Variants in COX11 observed in about 807,000 individuals in gnomAD.
The protein encoded by COX11 is cytochrome c oxidase copper chaperone COX11.
In COX11, 18 loss-of-function variants were observed where a neutral mutation model predicts 29.4. The observed-to-expected ratio is 0.61, with a 90% CI of 0.42 to 0.91. COX11 has a LOEUF of 0.91. COX11 is among the 40% of genes least tolerant of loss of function. The pLI, the probability that COX11 is intolerant of heterozygous loss-of-function variation, is 0.00. For missense variants in COX11, 312 were observed against 346.0 expected, an observed-to-expected ratio of 0.90 and a Z score of 0.78; for synonymous variants, 131 against 124.0, an observed-to-expected ratio of 1.06 and a Z score of -0.38.
At chr17:54,966,519 G>A (rs1389568444) in intron 1 of COX11, among the ~76,000 whole-genome samples, 1 of 152,098 alleles carries the variant, frequency 6.6e-6, no homozygotes, top group Non-Finnish European at 1.5e-5. Flanking sequence ...TGCTTTGTTG[G>A]TTATTTAGTA....
chr17:54,960,457 C>T lies in COX11; in HGVS notation c.*2276G>A. 1.3e-6 allele frequency: 1 copy of T among 779,000 alleles called. No homozygotes were observed. Among genetic ancestry groups the T allele is most frequent in the Non-Finnish European group, 2.3e-6 (1 of 435,618 alleles). The allele number at this position is 779,000 out of a possible 1,614,324, so 48.3% of individuals were successfully genotyped here. On this transcript the variant is annotated 3_prime_UTR_variant, in exon 4 of 4. Transcript: ENST00000299335. ...AGACTTATTTTTACTCATATGTAGCCTGAACTCCAAAACCAGCTCAATTTT... is the reference window on the plus strand; with the variant it reads ...AGACTTATTTTTACTCATATGTAGCTTGAACTCCAAAACCAGCTCAATTTT...
Position 54,968,469 on chromosome 17 carries a change from T to A in COX11, c.178A>T (p.Ser60Cys). The change falls in exon 1 of 4, where the codon AGC (serine) becomes TGC (cysteine). Residue 60 changes from serine (S) to cysteine (C), a missense_variant. This residue lies in a region of COX11 where 130 missense variants were observed against 106.0 expected (regional missense o/e 1.23). Coordinates refer to ENST00000299335, the MANE Select transcript of COX11 (RefSeq NM_004375.5). ...LRWLGTWKRC[S>C]LRARHPALQP... Reference sequence around the variant, plus strand: ...AATGCTGGATGCCGGGCTCGAAGGCTGCAGCGCTTCCATGTCCCAAGCCAC... The same window carrying A: ...AATGCTGGATGCCGGGCTCGAAGGCAGCAGCGCTTCCATGTCCCAAGCCAC... The A allele has an allele frequency of 6.2e-7, 1 of 1,613,420 alleles. No individual in the cohort carries two copies. Among genetic ancestry groups the A allele is most frequent in the Non-Finnish European group, 8.5e-7 (1 of 1,179,992 alleles).
At chr17:54,967,143 C>T (rs1279710615) in intron 1 of COX11, among the ~76,000 whole-genome samples, 1 of 152,150 alleles carries the variant, frequency 6.6e-6, no homozygotes, top group Non-Finnish European at 1.5e-5. Flanking sequence ...CTTTCCTGCA[C>T]GCTGGAATCA....
rs1436060627 is a variant in COX11 at position 54,962,373 on chromosome 17, T to G, written c.*360A>C. 1.0e-6 allele frequency: 1 copy of G among 993,684 alleles called. No homozygotes were observed. Among genetic ancestry groups the G allele is most frequent in the Non-Finnish European group, 1.2e-6 (1 of 836,064 alleles). 61.6% of individuals were successfully genotyped at this position (993,684 alleles called of 1,614,324 possible). On this transcript the variant is annotated 3_prime_UTR_variant, in exon 4 of 4. Coordinates refer to ENST00000299335, the MANE Select transcript of COX11 (RefSeq NM_004375.5). ...ACAAATAACCCTGAGCATACATTTT[T>G]GAAAAACATTGTCAGATTCATTGCT...
chr17:54,964,939 T>G, intron 1 of COX11, 87 bp from the exon 2 acceptor site: 2 of 1,340,450 alleles, frequency 1.5e-6, no homozygotes, highest in South Asian at 1.3e-5. Flanking sequence ...CAATGTAGTA[T>G]TTATAATCCA....
chr17:54,967,036 G>GCGCGCGCGCACACACA (rs1555616938), intron 1 of COX11, among the ~76,000 whole-genome samples: 1 of 46,810 alleles, frequency 2.1e-5, no homozygotes, highest in Non-Finnish European at 5.3e-5. Flanking sequence ...AAACGTGCGC[G>GCGCGCGCGCACACACA]CGCGCGCACA....
Position 54,964,804 on chromosome 17 carries a change from T to C in COX11, c.415A>G (p.Ile139Val), listed in dbSNP as rs370191530. The C allele has an allele frequency of 1.2e-6, 2 of 1,613,484 alleles. No homozygotes were observed. The highest frequency in any genetic ancestry group is 2.2e-5 in the East Asian group (1 of 44,878). The change falls in exon 2 of 4, where the codon ATT becomes GTT. Residue 139 changes from isoleucine (I) to valine (V), a missense_variant. Coordinates refer to ENST00000299335, the MANE Select transcript of COX11 (RefSeq NM_004375.5). ...SAVAGHASDKIENMVPVKDRI... is the reference protein window; with the variant it reads ...SAVAGHASDKVENMVPVKDRI... ...TCTTTAACAGGCACCATGTTTTCAA[T>C]CTTGTCTGAGGCATGACCTGCAACT...
At chr17:54,952,860 A>AT (rs1301901228) in exon 1 of COX11, 2 of 152,224 alleles carry the variant, frequency 1.3e-5, no homozygotes, top group African/African-American at 4.8e-5. Flanking sequence ...ATTTAGAGAA[A>AT]TTGTGGCTCC....
At chr17:54,956,208 G>C (rs760722967), downstream of COX11, among the ~76,000 whole-genome samples, 1 of 152,170 alleles carries the variant, frequency 6.6e-6, no homozygotes, top group African/African-American at 2.4e-5. Context: ...AAAGTGGCAT[G>C]ATCACGGCTT....
At chr17:54,967,944 G>A (rs1032121086) in intron 1 of COX11, among the ~76,000 whole-genome samples, 2 of 150,954 alleles carry the variant, frequency 1.3e-5, no homozygotes, top group Non-Finnish European at 2.9e-5. Flanking sequence ...AAAAGCGTGT[G>A]TGCGCAGGAG....
chr17:54,957,599 G>A (rs147297237), downstream of COX11: 2 of 152,258 alleles, frequency 1.3e-5, no homozygotes, highest in African/African-American at 2.4e-5. Context: ...CTTTCTGGGG[G>A]TCAGAATGTC....
intron 1 of COX11, among the ~76,000 whole-genome samples, 163 bp from the exon 2 acceptor site, chr17:54,965,015 T>C (rs893738230): frequency 2.0e-5 from 3 of 152,218 alleles, no homozygotes; most frequent in Non-Finnish European, 4.4e-5. Context: ...CTGACTACTT[T>C]TGGGATGTCA....
chr17:54,957,311 T>C (rs1186273968), downstream of COX11: 1 of 152,236 alleles, frequency 6.6e-6, no homozygotes, highest in East Asian at 1.9e-4. Context: ...TAACTCAGGT[T>C]TGAGAAATTT....
At chr17:54,955,441 T>C (rs577377253), downstream of COX11, among the ~76,000 whole-genome samples, 11 of 152,288 alleles carry the variant, frequency 7.2e-5, no homozygotes, top group African/African-American at 2.4e-4. Context: ...ACTGCCCCCT[T>C]TGAAACTTGG....
intron 1 of COX11, 124 bp from the exon 2 acceptor site, chr17:54,964,976 C>G: frequency 1.2e-6 from 1 of 815,332 alleles, no homozygotes; most frequent in South Asian, 1.8e-5. Flanking sequence ...CATATGGTAA[C>G]TGACCATTGC....
downstream of COX11, among the ~76,000 whole-genome samples, chr17:54,959,998 T>C (rs12938118): frequency 0.21 from 31,761 of 152,078 alleles, 3,891 homozygotes; most frequent in Non-Finnish European, 0.27. Context: ...ATTTGAGTCA[T>C]ATTTCTCATT....
chr17:54,962,596 GA>G lies in COX11; in HGVS notation c.*136del. 4 of 1,351,518 alleles carry G rather than the reference GA, an allele frequency of 3.0e-6. No individual in the cohort carries two copies. The highest frequency in any genetic ancestry group is 3.8e-6 in the Non-Finnish European group (4 of 1,047,900). The allele number at this position is 1,351,518 out of a possible 1,614,324, so 83.7% of individuals were successfully genotyped here. On this transcript the variant is annotated 3_prime_UTR_variant, in exon 4 of 4. Transcript: ENST00000299335. ...TGAACTTGTTCTCTCAAGTTTAAGT[GA>G]AAAAAATTAGTTGAGAAAAAATAAT...
At chr17:54,958,730 C>CAA (rs61603848), downstream of COX11, among the ~76,000 whole-genome samples, 27 of 57,504 alleles carry the variant, frequency 4.7e-4, no homozygotes, top group African/African-American at 1.2e-3. Flanking sequence ...AACTCCATCT[C>CAA]AAAAAAAAAA....
At position 54,960,503 on chromosome 17, in the gene COX11, A is replaced by T; in HGVS notation, c.*2230T>A. The T allele has an allele frequency of 7.2e-7, 1 of 1,382,332 alleles. No individual in the cohort carries two copies. The highest frequency in any genetic ancestry group is 1.0e-6 in the Non-Finnish European group (1 of 971,348). The allele number at this position is 1,382,332 out of a possible 1,614,324, so 85.6% of individuals were successfully genotyped here. A position where few individuals can be genotyped will look rare whatever the true frequency, so the allele number is the denominator to read the frequency against. On this transcript the variant is annotated 3_prime_UTR_variant, in exon 4 of 4. Coordinates refer to ENST00000299335, the MANE Select transcript of COX11 (RefSeq NM_004375.5). ...ATTTTTAATTACAGTGCTGGCAGTT[A>T]AAAACCAAAATAGCACTTTGAAATT...
Sources: gnomAD v4.1 joint callset for allele counts (sites outside exome capture counted in the v4.1 genomes callset) on GRCh38, gnomAD v4.1.1 for gene constraint, gnomAD v4.1.1 regional missense constraint, MANE v1.5 for transcripts, NCBI Gene and HGNC (gene_info 2026-07-23, HGNC 2026-07-21) for gene names.